The following PRKCA variants were observed in gnomAD, a reference collection of about 807,000 sequenced individuals.
PRKCA encodes protein kinase C alpha, also known as protein kinase C alpha type.
PRKCA carries 27 observed loss-of-function variants against 87.0 expected under a neutral mutation model. The ratio of observed to expected loss-of-function variants is 0.31; its 90% CI spans 0.23 to 0.43. PRKCA has a LOEUF of 0.43. Among genes scored for constraint, PRKCA ranks in the 20% least tolerant of loss-of-function variants. PRKCA has a pLI of 1.00. For synonymous variants in PRKCA, 329 were observed against 311.1 expected (o/e 1.06, Z -0.61); for missense variants, 518 against 852.3 (o/e 0.61, Z 4.88).
chr17:66,359,633 A>G (rs1908265944), intron 2 of PRKCA, among the ~76,000 whole-genome samples: 1 of 152,222 alleles, frequency 6.6e-6, no homozygotes, highest in Admixed American at 6.5e-5. Context: ...TAAATAAATA[A>G]TCTCCACAGA....
At chr17:66,427,890 A>C (rs966924802) in intron 2 of PRKCA, among the ~76,000 whole-genome samples, 1 of 152,200 alleles carries the variant, frequency 6.6e-6, no homozygotes, top group Non-Finnish European at 1.5e-5. Flanking sequence ...CTAGATTATG[A>C]AAGTTAATGT....
chr17:66,315,029 GTATA>G (rs375642930), intron 2 of PRKCA, among the ~76,000 whole-genome samples: 4 of 151,506 alleles, frequency 2.6e-5, no homozygotes, highest in African/African-American at 4.9e-5. Context: ...ATGTGTGTGT[GTATA>G]TATATATACA....
chr17:66,455,524 G>A (rs181002656), intron 2 of PRKCA, among the ~76,000 whole-genome samples: 1 of 152,274 alleles, frequency 6.6e-6, no homozygotes, highest in East Asian at 1.9e-4. Flanking sequence ...AAATTTCTAA[G>A]GATTATCTTC....
intron 13 of PRKCA, among the ~76,000 whole-genome samples, chr17:66,771,068 G>A (rs922210379): frequency 6.6e-6 from 1 of 151,056 alleles, no homozygotes; most frequent in Middle Eastern, 3.4e-3. Flanking sequence ...CAGTGGGGGC[G>A]ATCTTGGCTC....
chr17:66,774,603 A>T (rs1383216539), intron 14 of PRKCA: 7 of 985,712 alleles, frequency 7.1e-6, no homozygotes, highest in Middle Eastern at 5.2e-4. Context: ...CCTGGGCAAC[A>T]GAGTGAGACG....
At chr17:66,617,433 A>G (rs997738329) in intron 3 of PRKCA, among the ~76,000 whole-genome samples, 5 of 152,156 alleles carry the variant, frequency 3.3e-5, no homozygotes, top group South Asian at 4.1e-4. Context: ...GGGGAGGATT[A>G]CAGGGCCATT....
intron 3 of PRKCA, among the ~76,000 whole-genome samples, chr17:66,552,020 A>C (rs1336931492): frequency 2.0e-5 from 3 of 152,184 alleles, no homozygotes; most frequent in Non-Finnish European, 4.4e-5. Context: ...GTATTTGGCC[A>C]GGCACAATGA....
At chr17:66,571,080 G>A (rs1372276606) in intron 3 of PRKCA, among the ~76,000 whole-genome samples, 1 of 152,154 alleles carries the variant, frequency 6.6e-6, no homozygotes, top group African/African-American at 2.4e-5. Context: ...GGTTCTAATC[G>A]TGTTTACATA....
intron 2 of PRKCA, among the ~76,000 whole-genome samples, chr17:66,327,596 T>C (rs7207103): frequency 0.12 from 18,224 of 152,168 alleles, 1,255 homozygotes; most frequent in South Asian, 0.25. Flanking sequence ...GCCAGCTATC[T>C]GACATCAACT....
intron 5 of PRKCA, chr17:66,677,116 G>C (rs940831885): frequency 4.6e-5 from 3 of 64,812 alleles, no homozygotes; most frequent in Non-Finnish European, 7.1e-5. Context: ...GTCTCGCTCT[G>C]TCGCCCAGGC....
intron 16 of PRKCA, chr17:66,796,462 A>G (rs1975671613): frequency 1.0e-6 from 1 of 985,270 alleles, no homozygotes; most frequent in Admixed American, 6.1e-5. Flanking sequence ...TGTGTACCAA[A>G]ATGCACTGGC....
intron 8 of PRKCA, among the ~76,000 whole-genome samples, chr17:66,696,997 C>T (rs1016725338): frequency 2.6e-5 from 4 of 152,170 alleles, no homozygotes; most frequent in African/African-American, 4.8e-5. Flanking sequence ...GCCTTAGAAC[C>T]TCAAGTCAAC....
At chr17:66,528,031 C>T (rs143137350) in intron 3 of PRKCA, among the ~76,000 whole-genome samples, 53 of 152,054 alleles carry the variant, frequency 3.5e-4, no homozygotes, top group African/African-American at 1.3e-3. Context: ...GATGGTGAGA[C>T]CCCGTCTCTA....
At chr17:66,438,444 C>A (rs1369085965) in intron 2 of PRKCA, among the ~76,000 whole-genome samples, 1 of 152,038 alleles carries the variant, frequency 6.6e-6, no homozygotes, top group Non-Finnish European at 1.5e-5. Context: ...TGGGCTTTTT[C>A]CTGGCCATAA....
chr17:66,713,067 T>TTTTTTTTTTTTTTTTG (rs1403247186), intron 8 of PRKCA, among the ~76,000 whole-genome samples: 3 of 145,580 alleles, frequency 2.1e-5, no homozygotes, highest in Non-Finnish European at 4.5e-5. Flanking sequence ...TTTTTTTTTT[T>TTTTTTTTTTTTTTTTG]TTGAGATGGA....
chr17:66,581,851 C>T (rs1367732242), intron 3 of PRKCA, among the ~76,000 whole-genome samples: 4 of 152,158 alleles, frequency 2.6e-5, no homozygotes, highest in Admixed American at 2.0e-4. Context: ...ATATGGGCAA[C>T]ATGGTTTAAT....
chr17:66,317,544 T>G (rs1905388956), intron 2 of PRKCA, among the ~76,000 whole-genome samples: 1 of 152,218 alleles, frequency 6.6e-6, no homozygotes, highest in Non-Finnish European at 1.5e-5. Flanking sequence ...GTGAATGTCT[T>G]ATGTTTCCAT....
chr17:66,445,907 A>C (rs1914012059), intron 2 of PRKCA, among the ~76,000 whole-genome samples: 1 of 151,304 alleles, frequency 6.6e-6, no homozygotes, highest in Non-Finnish European at 1.5e-5. Context: ...TCTGCCTCCC[A>C]GGCTCAAGCC....
chr17:66,364,666 G>A lies in PRKCA; in HGVS notation c.205+58539G>A, dbSNP rs112978909. ...TGTGATTGATGCCTGGCAGCTGCCCGTAACGTATGATGCAGTATGGTTTTC... is the reference window on the plus strand; with the variant it reads ...TGTGATTGATGCCTGGCAGCTGCCCATAACGTATGATGCAGTATGGTTTTC... On this transcript the variant is annotated intron_variant, in intron 2 of 16. Transcript: ENST00000413366. Among the ~76,000 whole-genome samples the A allele has an allele frequency of 9.5e-3, 1,444 of 152,220 alleles. 12 individuals are homozygous for A. Among genetic ancestry groups the A allele is most frequent in the Non-Finnish European group, 0.015 (1,017 of 68,012 alleles).
Sources: allele counts gnomAD v4.1 joint callset (sites outside exome capture counted in the v4.1 genomes callset), GRCh38; gene constraint gnomAD v4.1.1; transcripts MANE v1.5; gene names NCBI Gene and HGNC (gene_info 2026-07-23, HGNC 2026-07-21).